SMARCA2: variants seen among roughly 807,000 people sequenced by gnomAD.
SMARCA2 encodes SWI/SNF-related matrix-associated actin-dependent regulator of chromatin subfamily A member 2.
In SMARCA2, 61 loss-of-function variants were observed where a neutral mutation model predicts 199.8. The ratio of observed to expected loss-of-function variants is 0.31; its 90% CI spans 0.25 to 0.38. The LOEUF is 0.38. SMARCA2 is among the 10% of genes least tolerant of loss of function. The pLI is 1.00. For synonymous variants in SMARCA2, 935 were observed against 732.0 expected, an observed-to-expected ratio of 1.28 and a Z score of -4.48; for missense variants, 1,344 against 2,012.2, an observed-to-expected ratio of 0.67 and a Z score of 6.35.
chr9:2,115,854 C>G lies in SMARCA2; in HGVS notation c.3489C>G (p.Ile1163Met). The stretch of plus-strand genomic sequence containing the variant: ...AGGCCCAAGACCGAGCTCACCGCAT[C>G]GGGCAGCAGAACGAGGTCCGGGTAC... ...DLQAQDRAHR[I>M]GQQNEVRVLR... is the part of the protein sequence containing the mutation. Residue 1163 changes from isoleucine to methionine, a missense_variant, in exon 25 of 34, where the codon ATC (isoleucine) becomes ATG (methionine). Physicochemically the swap from Ile to Met is conservative, Grantham distance 10 (BLOSUM62 1). Around this residue, in one of 18 missense-constraint regions of SMARCA2, gnomAD observed 36 missense variants for 172.5 expected, o/e 0.21. Transcript: ENST00000349721. This position sits in a 1 kb window ranked among gnomAD's most constrained non-coding sequence, Gnocchi z 6.0. 6.2e-7 allele frequency: 1 copy of G among 1,613,956 alleles called. No homozygotes were observed. The highest frequency in any genetic ancestry group is 8.5e-7 in the Non-Finnish European group (1 of 1,179,938).
chr9:2,097,154 C>G (rs1285472305), intron 20 of SMARCA2: 5 of 509,792 alleles, frequency 9.8e-6, no homozygotes. Flanking sequence ...CCTCACTGGA[C>G]ATAATCCTTC....
chr9:2,169,966 C>G lies in SMARCA2; in HGVS notation c.4200-453C>G, dbSNP rs913732651. ...TGATGCTTGGAATACCTTCTTTGTG[C>G]AGGCTACTGTAAGAAAGCACTTTAT... On this transcript the variant is annotated intron_variant, in intron 28 of 33. Coordinates refer to ENST00000349721, the MANE Select transcript of SMARCA2 (RefSeq NM_003070.5). This position sits in a 1 kb window ranked among gnomAD's most constrained non-coding sequence, Gnocchi z 6.5. 6.6e-6 allele frequency among the ~76,000 whole-genome samples: 1 copy of G among 152,196 alleles called. No homozygotes were observed. Among genetic ancestry groups the G allele is most frequent in the South Asian group, 2.1e-4 (1 of 4,832 alleles).
chr9:2,131,229 G>T (rs1328822931), intron 27 of SMARCA2, among the ~76,000 whole-genome samples: 8 of 152,178 alleles, frequency 5.3e-5, no homozygotes, highest in Non-Finnish European at 1.0e-4. Flanking sequence ...GTCTCACAAT[G>T]TCTTGTAATT....
In SMARCA2 at chr9:2,073,600, A is replaced by T; in HGVS notation, c.1912A>T (p.Ser638Cys). The change falls in exon 12 of 34, where the codon AGT becomes TGT. Residue 638 changes from serine to cysteine, a missense_variant. By Grantham distance (112) the Ser-to-Cys change is moderately radical (BLOSUM62 -1). Transcript: ENST00000349721. ...TGCCCCTAGATCTGACAGTGAAGAG[A>T]GTGATTCTGATTATGAGGAAGAGGT... ...EVAPRSDSEE[S>C]DSDYEEEDEE... 6.2e-7 allele frequency: 1 copy of T among 1,611,654 alleles called. No individual in the cohort carries two copies. The highest frequency in any genetic ancestry group is 8.5e-7 in the Non-Finnish European group (1 of 1,177,922).
chr9:2,071,150 A>C (rs933069255), intron 10 of SMARCA2, among the ~76,000 whole-genome samples: 1 of 152,206 alleles, frequency 6.6e-6, no homozygotes, highest in Non-Finnish European at 1.5e-5. Context: ...AATTCTGATA[A>C]ACCTACTTGG....
At chr9:2,137,804 G>C (rs1292532581) in intron 27 of SMARCA2, among the ~76,000 whole-genome samples, 1 of 152,192 alleles carries the variant, frequency 6.6e-6, no homozygotes, top group East Asian at 1.9e-4. Context: ...ATACTAGGCA[G>C]AAATGAGGGC....
At chr9:2,176,325 T>G (rs1027153162) in intron 29 of SMARCA2, among the ~76,000 whole-genome samples, 1 of 152,128 alleles carries the variant, frequency 6.6e-6, no homozygotes, top group Non-Finnish European at 1.5e-5. Context: ...TTATTTTAAG[T>G]AATCCTGTCA....
intron 9 of SMARCA2, among the ~76,000 whole-genome samples, chr9:2,065,241 C>T (rs958619216): frequency 6.6e-6 from 1 of 152,114 alleles, no homozygotes; most frequent in Non-Finnish European, 1.5e-5. Context: ...TGACATCAGC[C>T]AAAACTAAAT....
rs1042386122 is a variant in SMARCA2 at position 2,112,326 on chromosome 9, G to A, written c.3456+1909G>A. Among the ~76,000 whole-genome samples the A allele has an allele frequency of 3.3e-5, 5 of 152,184 alleles. No individual in the cohort carries two copies. The South Asian group carries it at 6.2e-4, about 19-fold the overall frequency. Reference sequence around the variant, plus strand: ...GAGAGTTTGCTTGTATTCTGTCTTCGGAGGTAAGCATTTCCACTGACTCTT... The same window carrying A: ...GAGAGTTTGCTTGTATTCTGTCTTCAGAGGTAAGCATTTCCACTGACTCTT... On this transcript the variant is annotated intron_variant, in intron 24 of 33. Coordinates refer to ENST00000349721, the MANE Select transcript of SMARCA2 (RefSeq NM_003070.5).
chr9:2,117,966 G>A (rs748216723), intron 25 of SMARCA2, among the ~76,000 whole-genome samples: 1 of 152,244 alleles, frequency 6.6e-6, no homozygotes, highest in Non-Finnish European at 1.5e-5. Context: ...TGGTTGATGC[G>A]ACCATGAAGT....
chr9:2,026,785 C>T (rs75929958), intron 1 of SMARCA2, among the ~76,000 whole-genome samples: 4 of 152,106 alleles, frequency 2.6e-5, no homozygotes, highest in Non-Finnish European at 5.9e-5. Context: ...AGCCCTGAAT[C>T]GACGTCAGCT....
chr9:2,101,100 G>A lies in SMARCA2; in HGVS notation c.3079-470G>A, dbSNP rs916494846. Among the ~76,000 whole-genome samples the A allele has an allele frequency of 2.0e-5, 3 of 152,218 alleles. No homozygotes were observed. In the South Asian group the frequency reaches 6.2e-4, roughly 32 times the overall value. On this transcript the variant is annotated intron_variant, in intron 21 of 33. Coordinates refer to ENST00000349721, the MANE Select transcript of SMARCA2 (RefSeq NM_003070.5). The stretch of plus-strand genomic sequence containing the variant: ...CCCAGGGTCCCACCCACAACACATG[G>A]GAATTATAGGAGCTATAATTCAAGA...
chr9:2,047,605 G>C, intron 5 of SMARCA2, 121 bp downstream of exon 5: 2 of 1,158,070 alleles, frequency 1.7e-6, no homozygotes, highest in Non-Finnish European at 2.2e-6. Flanking sequence ...CGTGCGGTCG[G>C]AAAACTTTCA....
chr9:2,020,007 G>C (rs190227182), intron 1 of SMARCA2, among the ~76,000 whole-genome samples: 1 of 152,224 alleles, frequency 6.6e-6, no homozygotes. Flanking sequence ...ATTTGCAAGT[G>C]GAAGGAGTGT....
chr9:2,077,343 G>A (rs1426537817), intron 13 of SMARCA2, among the ~76,000 whole-genome samples: 5 of 152,118 alleles, frequency 3.3e-5, no homozygotes, highest in African/African-American at 9.7e-5. Context: ...GCCTGCATTC[G>A]AATCCTGGTT....
At chr9:2,151,397 G>A (rs76496080) in intron 27 of SMARCA2, among the ~76,000 whole-genome samples, 4,778 of 151,634 alleles carry the variant, frequency 0.032, 317 homozygotes, top group African/African-American at 0.11. Context: ...ACAGGATAAC[G>A]AAGACAGTAC....
rs377189643 is a variant in SMARCA2 at position 2,177,714 on chromosome 9, A to T, written c.4254-3857A>T. Reference sequence around the variant, plus strand: ...ATTACAGGCATGCGCCACCACACCCAGCTAATTTTGTATTTTTAGTAGAGA... The same window carrying T: ...ATTACAGGCATGCGCCACCACACCCTGCTAATTTTGTATTTTTAGTAGAGA... On this transcript the variant is annotated intron_variant, in intron 29 of 33. Transcript: ENST00000349721. Among the ~76,000 whole-genome samples the T allele has an allele frequency of 1.1e-3, 170 of 151,948 alleles. 3 individuals carry two copies. The Middle Eastern group carries it at 0.031, about 27-fold the overall frequency.
chr9:2,039,899 T>C lies in SMARCA2; in HGVS notation c.789T>C (p.Ser263=), dbSNP rs2130250832. The change falls in exon 4 of 34, where the codon TCT becomes TCC. Residue 263 remains serine, a splice_region_variant and synonymous_variant. Coordinates refer to ENST00000349721, the MANE Select transcript of SMARCA2 (RefSeq NM_003070.5). This position sits in a 1 kb window ranked among gnomAD's most constrained non-coding sequence, Gnocchi z 4.8. Reference sequence around the variant, plus strand: ...CCCTTGTTAACTACAACAGACCATCTGGTAGGTTAATACGCAACCAAATGA... The same window carrying C: ...CCCTTGTTAACTACAACAGACCATCCGGTAGGTTAATACGCAACCAAATGA... ...QPALVNYNRP[S]GPGPELSGPS... 6.2e-7 allele frequency: 1 copy of C among 1,613,604 alleles called. No individual in the cohort carries two copies. Among genetic ancestry groups the C allele is most frequent in the Non-Finnish European group, 8.5e-7 (1 of 1,179,908 alleles).
At chr9:2,124,958 A>T (rs1017858089) in intron 27 of SMARCA2, among the ~76,000 whole-genome samples, 5 of 152,206 alleles carry the variant, frequency 3.3e-5, no homozygotes, top group Admixed American at 1.3e-4. Context: ...CAAGCAAAAC[A>T]AAAGCTTTGG....
Sources: allele counts gnomAD v4.1 joint callset (sites outside exome capture counted in the v4.1 genomes callset), GRCh38; gene constraint gnomAD v4.1.1; regional missense constraint gnomAD v4.1.1; non-coding constraint Gnocchi (gnomAD v3.1); transcripts MANE v1.5; gene names NCBI Gene and HGNC (gene_info 2026-07-23, HGNC 2026-07-21).